Variants in ZNF423 observed in about 807,000 individuals in gnomAD.
ZNF423 encodes Ebf-associated zinc finger protein.
Under a neutral mutation model 95.8 loss-of-function variants are expected in ZNF423, and 12 were observed. The ratio of observed to expected loss-of-function variants is 0.13; its 90% CI spans 0.08 to 0.20. ZNF423 has a LOEUF of 0.20. Among genes scored for constraint, ZNF423 ranks in the 10% least tolerant of loss-of-function variants. ZNF423 has a pLI of 1.00. For synonymous variants in ZNF423, 749 were observed against 711.9 expected (o/e 1.05, Z -0.83); for missense variants, 1,316 against 1,737.1 (o/e 0.76, Z 4.31).
intron 7 of ZNF423, among the ~76,000 whole-genome samples, chr16:49,505,253 T>C (rs1967583073): frequency 6.6e-6 from 1 of 152,138 alleles, no homozygotes; most frequent in Non-Finnish European, 1.5e-5. Context: ...AAAATCTAGG[T>C]CACACGGTCA....
chr16:49,528,774 G>A (rs889453548), intron 5 of ZNF423, among the ~76,000 whole-genome samples: 2 of 151,924 alleles, frequency 1.3e-5, no homozygotes, highest in African/African-American at 2.4e-5. Flanking sequence ...GGGGAGGGCC[G>A]GGGAGGTGGA....
At chr16:49,548,684 G>C (rs1228375894) in intron 5 of ZNF423, among the ~76,000 whole-genome samples, 1 of 152,124 alleles carries the variant, frequency 6.6e-6, no homozygotes, top group Non-Finnish European at 1.5e-5. Context: ...AGCCGCCTTC[G>C]GGGAAGCACA....
intron 5 of ZNF423, among the ~76,000 whole-genome samples, chr16:49,597,275 C>A (rs530566257): frequency 6.6e-5 from 10 of 152,186 alleles, no homozygotes; most frequent in Non-Finnish European, 1.2e-4. Flanking sequence ...GGTCTCCTAC[C>A]TAGAGCTATC....
chr16:49,663,152 A>G (rs796617274), intron 3 of ZNF423, among the ~76,000 whole-genome samples: 70 of 151,996 alleles, frequency 4.6e-4, no homozygotes, highest in African/African-American at 1.7e-3. Flanking sequence ...CCATTCTCAC[A>G]CCCCGCGCCA....
intron 5 of ZNF423, among the ~76,000 whole-genome samples, chr16:49,586,209 C>T (rs966257837): frequency 6.6e-6 from 1 of 152,010 alleles, no homozygotes; most frequent in African/African-American, 2.4e-5. Context: ...TTCCCGCCTG[C>T]GTCGCTGACA....
chr16:49,689,554 C>G (rs1458608891), intron 3 of ZNF423, among the ~76,000 whole-genome samples: 1 of 152,146 alleles, frequency 6.6e-6, no homozygotes, highest in East Asian at 1.9e-4. Flanking sequence ...CCTCCGTGAC[C>G]TCCAGGAGGT....
chr16:49,827,593 G>A (rs1033179281), intron 1 of ZNF423, among the ~76,000 whole-genome samples: 2 of 151,412 alleles, frequency 1.3e-5, no homozygotes, highest in African/African-American at 2.4e-5. Flanking sequence ...ATAGTTTACT[G>A]AAGCCTTGAG....
intron 5 of ZNF423, among the ~76,000 whole-genome samples, chr16:49,618,011 T>C (rs1289764027): frequency 1.3e-5 from 2 of 152,222 alleles, no homozygotes; most frequent in East Asian, 3.9e-4. Context: ...CTGGATCCTC[T>C]TCCCCAGACA....
At chr16:49,536,267 A>C (rs1479350055) in intron 5 of ZNF423, among the ~76,000 whole-genome samples, 1 of 152,198 alleles carries the variant, frequency 6.6e-6, no homozygotes, top group Non-Finnish European at 1.5e-5. Flanking sequence ...CCACTTTCTC[A>C]AAGTCCACCT....
chr16:49,845,821 G>A (rs550664242), intron 1 of ZNF423, among the ~76,000 whole-genome samples: 2 of 152,198 alleles, frequency 1.3e-5, no homozygotes, highest in South Asian at 4.1e-4. Flanking sequence ...TGGGATTACA[G>A]GCATAAGCCA....
chr16:49,828,917 G>A (rs1004776003), intron 1 of ZNF423, among the ~76,000 whole-genome samples: 2 of 152,222 alleles, frequency 1.3e-5, no homozygotes, highest in Non-Finnish European at 2.9e-5. Context: ...GCTGGCCTGT[G>A]GCCTTCAAGA....
At chr16:49,491,650 C>A (rs1032084607) in intron 7 of ZNF423, among the ~76,000 whole-genome samples, 1 of 151,570 alleles carries the variant, frequency 6.6e-6, no homozygotes, top group Non-Finnish European at 1.5e-5. Context: ...AAAAACATCC[C>A]TGTTCACCTC....
chr16:49,823,258 G>A (rs776030763), intron 1 of ZNF423, among the ~76,000 whole-genome samples: 11 of 152,190 alleles, frequency 7.2e-5, no homozygotes, highest in Admixed American at 5.9e-4. Context: ...TCCATTTCAC[G>A]GGGCTTCTGT....
At chr16:49,789,249 G>A (rs577228336) in intron 2 of ZNF423, among the ~76,000 whole-genome samples, 25 of 152,314 alleles carry the variant, frequency 1.6e-4, no homozygotes, top group African/African-American at 5.8e-4. Flanking sequence ...CTGAACTGTA[G>A]CCACAAGAAG....
At chr16:49,825,908 T>C (rs1304660183) in intron 1 of ZNF423, among the ~76,000 whole-genome samples, 3 of 152,174 alleles carry the variant, frequency 2.0e-5, no homozygotes, top group Non-Finnish European at 4.4e-5. Context: ...TAATAAAATC[T>C]CTTGCTTATT....
intron 2 of ZNF423, among the ~76,000 whole-genome samples, chr16:49,778,803 T>C (rs2034163752): frequency 1.3e-5 from 2 of 152,280 alleles, no homozygotes; most frequent in East Asian, 3.9e-4. Context: ...TAAGCTCCTA[T>C]GGCACTTCCC....
In ZNF423 at chr16:49,536,052, T is replaced by G. The variant is rs181301074; in HGVS notation, c.3602-10558A>C. On this transcript the variant is annotated intron_variant, in intron 5 of 7. Coordinates refer to ENST00000563137, the MANE Select transcript of ZNF423 (RefSeq NM_001379286.1). ...TCATTTTTTGTCCCCACCAAGATCA[T>G]TTTTTAAAATGAGCAACAGCAATGT... Among the ~76,000 whole-genome samples, 81 of 152,320 alleles carry G rather than the reference T, an allele frequency of 5.3e-4. 1 individual carries two copies. Among genetic ancestry groups the G allele is most frequent in the Middle Eastern group, 3.4e-3 (1 of 294 alleles).
At chr16:49,516,976 T>A (rs1450777804) in intron 7 of ZNF423, among the ~76,000 whole-genome samples, 1 of 152,236 alleles carries the variant, frequency 6.6e-6, no homozygotes, top group Non-Finnish European at 1.5e-5. Flanking sequence ...CTAGGGTGTC[T>A]GTCTTAGCAG....
At chr16:49,739,867 T>A (rs1200125573) in intron 2 of ZNF423, among the ~76,000 whole-genome samples, 1 of 149,396 alleles carries the variant, frequency 6.7e-6, no homozygotes, top group Non-Finnish European at 1.5e-5. Flanking sequence ...CAGGTAATTT[T>A]TTTTCCCCCA....
Sources: gnomAD v4.1 joint callset for allele counts (sites outside exome capture counted in the v4.1 genomes callset) on GRCh38, gnomAD v4.1.1 for gene constraint, MANE v1.5 for transcripts, NCBI Gene and HGNC (gene_info 2026-07-23, HGNC 2026-07-21) for gene names.